The following ARB2A variants were observed in gnomAD, a reference collection of about 807,000 sequenced individuals.
The protein encoded by ARB2A is cotranscriptional regulator ARB2A.
At chr5:93,913,042 C>T in the ARB2A span, among the ~76,000 whole-genome samples, 18 of 151,804 alleles carry the variant, frequency 1.2e-4, no homozygotes, top group Non-Finnish European at 1.9e-4. Context: ...TTATTCTTTT[C>T]AATAACATCT....
chr5:93,964,409 G>T, the ARB2A span: 1 of 1,334,776 alleles, frequency 7.5e-7, no homozygotes, highest in Non-Finnish European at 1.0e-6. Context: ...ATTTTACTTG[G>T]AAATAAACAT....
the ARB2A span, among the ~76,000 whole-genome samples, chr5:93,864,895 G>A: frequency 1.3e-5 from 2 of 152,058 alleles, no homozygotes; most frequent in Admixed American, 6.5e-5. Flanking sequence ...GTTATATACT[G>A]TGAGCTCCTG....
the ARB2A span, among the ~76,000 whole-genome samples, chr5:93,971,030 G>C: frequency 4.0e-5 from 6 of 151,310 alleles, no homozygotes; most frequent in African/African-American, 1.2e-4. Context: ...ATGGAGTCTT[G>C]CACAGTTGCC....
the ARB2A span, among the ~76,000 whole-genome samples, chr5:94,104,215 C>G: frequency 6.6e-6 from 1 of 151,022 alleles, no homozygotes; most frequent in East Asian, 1.9e-4. Context: ...GAAACCAAAA[C>G]GTCGTTCTCT....
At chr5:93,959,150 G>T in the ARB2A span, among the ~76,000 whole-genome samples, 1 of 151,806 alleles carries the variant, frequency 6.6e-6, no homozygotes, top group Non-Finnish European at 1.5e-5. Context: ...ATATTAGTTG[G>T]ATGGGACAAG....
chr5:93,699,857 C>T, the ARB2A span, among the ~76,000 whole-genome samples: 2 of 151,658 alleles, frequency 1.3e-5, no homozygotes, highest in Non-Finnish European at 2.9e-5. Flanking sequence ...GAGATCAGAA[C>T]AGAGGCCCAG....
At chr5:93,767,979 G>C in the ARB2A span, among the ~76,000 whole-genome samples, 4 of 106,226 alleles carry the variant, frequency 3.8e-5, no homozygotes, top group Non-Finnish European at 6.8e-5. Context: ...GGGCAACAGA[G>C]CTAGACTCCA....
At chr5:93,830,299 A>ATGTGTGTG in the ARB2A span, among the ~76,000 whole-genome samples, 11 of 39,658 alleles carry the variant, frequency 2.8e-4, no homozygotes, top group African/African-American at 1.2e-3. Flanking sequence ...ATGTATATAT[A>ATGTGTGTG]TGTGTGTGTG....
chr5:93,635,153 T>C, the ARB2A span, among the ~76,000 whole-genome samples: 1 of 152,204 alleles, frequency 6.6e-6, no homozygotes, highest in Non-Finnish European at 1.5e-5. Flanking sequence ...CAAAGAACCA[T>C]AAAAGAGTTA....
the ARB2A span, among the ~76,000 whole-genome samples, chr5:94,017,590 G>A: frequency 6.6e-6 from 1 of 152,170 alleles, no homozygotes; most frequent in Non-Finnish European, 1.5e-5. Flanking sequence ...TCAGCCAGTA[G>A]TAACCAGATA....
At chr5:93,768,031 A>T in the ARB2A span, among the ~76,000 whole-genome samples, 2 of 149,918 alleles carry the variant, frequency 1.3e-5, no homozygotes, top group African/African-American at 2.5e-5. Context: ...AAAGGAATGA[A>T]TTAACAGCAT....
At chr5:93,781,087 A>C in the ARB2A span, among the ~76,000 whole-genome samples, 1 of 152,094 alleles carries the variant, frequency 6.6e-6, no homozygotes, top group African/African-American at 2.4e-5. Context: ...CATAGTAGTA[A>C]AGTCTGGGCT....
chr5:94,086,036 T>A, the ARB2A span, among the ~76,000 whole-genome samples: 2 of 152,150 alleles, frequency 1.3e-5, no homozygotes, highest in South Asian at 4.2e-4. Flanking sequence ...AGGCATGAGA[T>A]GGGAAGAAGC....
At chr5:93,761,369 T>C in the ARB2A span, among the ~76,000 whole-genome samples, 1 of 152,210 alleles carries the variant, frequency 6.6e-6, no homozygotes, top group Non-Finnish European at 1.5e-5. Context: ...AATACTGTGC[T>C]TTTCCAATGG....
At chr5:94,028,777 A>C in the ARB2A span, among the ~76,000 whole-genome samples, 1 of 152,334 alleles carries the variant, frequency 6.6e-6, no homozygotes, top group Non-Finnish European at 1.5e-5. Flanking sequence ...TTTTTAAAGA[A>C]GCATTTAGAA....
the ARB2A span, among the ~76,000 whole-genome samples, chr5:93,799,697 A>G: frequency 5.9e-5 from 9 of 152,258 alleles, no homozygotes; most frequent in Non-Finnish European, 1.0e-4. Flanking sequence ...TTCAAATTAT[A>G]AAGCGTTGAA....
At chr5:94,066,634 A>G in the ARB2A span, among the ~76,000 whole-genome samples, 1 of 152,198 alleles carries the variant, frequency 6.6e-6, no homozygotes, top group Non-Finnish European at 1.5e-5. Context: ...AGATTGAATC[A>G]GGAAGAAATA....
At chr5:94,011,917 C>T in the ARB2A span, among the ~76,000 whole-genome samples, 5 of 106,982 alleles carry the variant, frequency 4.7e-5, no homozygotes, top group African/African-American at 1.4e-4. Context: ...AAATGAGCCC[C>T]GACAAATTAA....
At chr5:93,631,940 C>T in the ARB2A span, among the ~76,000 whole-genome samples, 1 of 151,962 alleles carries the variant, frequency 6.6e-6, no homozygotes, top group Non-Finnish European at 1.5e-5. Context: ...AATCTGTGGC[C>T]CTCCTCCTTT....
Sources: allele counts gnomAD v4.1 joint callset (sites outside exome capture counted in the v4.1 genomes callset), GRCh38; gene constraint gnomAD v4.1.1; transcripts MANE v1.5; gene names NCBI Gene and HGNC (gene_info 2026-07-23, HGNC 2026-07-21).